The following FGGY variants were observed in gnomAD, a reference collection of about 807,000 sequenced individuals.
FGGY encodes FGGY carbohydrate kinase domain containing.
A neutral mutation model predicts 71.3 loss-of-function variants in FGGY; 72 were observed. The ratio of observed to expected loss-of-function variants is 1.01; its 90% CI spans 0.84 to 1.23. FGGY has a LOEUF of 1.23. FGGY is among the 50% of genes most tolerant of loss of function. FGGY has a pLI of 0.00. For synonymous variants in FGGY, 251 were observed against 250.3 expected (o/e 1.00, Z -0.02); for missense variants, 668 against 682.3 (o/e 0.98, Z 0.23).
At chr1:59,533,541 G>C (rs1308481263) in intron 7 of FGGY, among the ~76,000 whole-genome samples, 3 of 149,000 alleles carry the variant, frequency 2.0e-5, no homozygotes, top group African/African-American at 5.1e-5. Context: ...CTCCACCTCT[G>C]GGGGCAGGGA....
intron 8 of FGGY, among the ~76,000 whole-genome samples, chr1:59,592,999 T>A (rs1457984887): frequency 1.3e-5 from 2 of 152,230 alleles, no homozygotes; most frequent in Non-Finnish European, 2.9e-5. Flanking sequence ...AGGCAAAGCC[T>A]CTTTTCCTCT....
intron 13 of FGGY, among the ~76,000 whole-genome samples, chr1:59,670,358 C>T (rs565485421): frequency 1.8e-4 from 27 of 152,240 alleles, no homozygotes; most frequent in Non-Finnish European, 2.4e-4. Flanking sequence ...TCTAGTTTTC[C>T]TACAAAGACA....
chr1:59,755,059 G>T (rs2098278516), intron 14 of FGGY: 1 of 152,182 alleles, frequency 6.6e-6, no homozygotes, highest in Admixed American at 6.5e-5. Flanking sequence ...ACCCTGGAAG[G>T]AGGCCTGATG....
intron 14 of FGGY, among the ~76,000 whole-genome samples, chr1:59,675,726 C>T (rs986670917): frequency 1.3e-5 from 2 of 152,092 alleles, no homozygotes; most frequent in South Asian, 4.1e-4. Context: ...AATATCTTGC[C>T]CTTCCTGCGG....
intron 12 of FGGY, among the ~76,000 whole-genome samples, chr1:59,665,220 G>T (rs981796419): frequency 1.3e-5 from 2 of 151,894 alleles, no homozygotes; most frequent in Non-Finnish European, 2.9e-5. Flanking sequence ...TTCTCAAGGG[G>T]GTTCATGACC....
chr1:59,369,415 C>A (rs936654152), intron 4 of FGGY, among the ~76,000 whole-genome samples: 3 of 152,210 alleles, frequency 2.0e-5, no homozygotes, highest in Non-Finnish European at 4.4e-5. Context: ...CCTGGAAGCT[C>A]AACTGGGTGG....
chr1:59,742,195 C>T (rs2101378905), intron 14 of FGGY, among the ~76,000 whole-genome samples: 1 of 152,316 alleles, frequency 6.6e-6, no homozygotes, highest in South Asian at 2.1e-4. Context: ...TCTATCCTCA[C>T]TACCATGATT....
chr1:59,592,340 C>G (rs1415524476), intron 8 of FGGY, among the ~76,000 whole-genome samples: 1 of 151,974 alleles, frequency 6.6e-6, no homozygotes. Flanking sequence ...GTTGGTGGGA[C>G]TGTAAACTAG....
At chr1:59,320,877 T>A (rs2046263286) in intron 1 of FGGY, among the ~76,000 whole-genome samples, 1 of 152,256 alleles carries the variant, frequency 6.6e-6, no homozygotes, top group East Asian at 1.9e-4. Context: ...ATAGACTTGC[T>A]TCTTAATCAG....
intron 4 of FGGY, among the ~76,000 whole-genome samples, chr1:59,376,935 T>C (rs2058730141): frequency 6.6e-6 from 1 of 152,216 alleles, no homozygotes; most frequent in Admixed American, 6.5e-5. Flanking sequence ...ACTTCATGCT[T>C]TTCAAGTTTA....
intron 5 of FGGY, among the ~76,000 whole-genome samples, chr1:59,415,267 A>G (rs1017764927): frequency 6.6e-6 from 1 of 152,112 alleles, no homozygotes; most frequent in Admixed American, 6.6e-5. Flanking sequence ...AATGTGAGCA[A>G]TATACCTCAA....
rs189590968 is a variant in FGGY at position 59,743,344 on chromosome 1, C to G, written c.1513-14587C>G. Among the ~76,000 whole-genome samples the G allele has an allele frequency of 1.9e-3, 293 of 152,276 alleles. 2 individuals are homozygous for G. Among genetic ancestry groups the G allele is most frequent in the African/African-American group, 6.7e-3 (278 of 41,542 alleles). ...TCTCCCATGATCACCGATGTTTCTCCAGCAGGCTTTAAACTTCATGAGGTC... is the reference window on the plus strand; with the variant it reads ...TCTCCCATGATCACCGATGTTTCTCGAGCAGGCTTTAAACTTCATGAGGTC... On this transcript the variant is annotated intron_variant, in intron 14 of 15. Transcript: ENST00000303721.
chr1:59,450,290 A>T (rs77968875), intron 5 of FGGY, among the ~76,000 whole-genome samples: 1,749 of 152,216 alleles, frequency 0.011, 34 homozygotes, highest in African/African-American at 0.04. Flanking sequence ...ATACACTTTC[A>T]TATCTTCCTG....
intron 14 of FGGY, among the ~76,000 whole-genome samples, chr1:59,750,243 C>T: frequency 6.6e-6 from 1 of 152,092 alleles, no homozygotes; most frequent in South Asian, 2.1e-4. Context: ...CCTTTATGAC[C>T]AAGAGACCAA....
chr1:59,493,406 A>G (rs1558117086), intron 6 of FGGY, among the ~76,000 whole-genome samples: 1 of 110,868 alleles, frequency 9.0e-6, no homozygotes, highest in South Asian at 2.7e-4. Context: ...CATTAGTGGC[A>G]GAACTGATAA....
At chr1:59,512,521 T>G (rs945347816) in intron 7 of FGGY, 82 bp downstream of exon 7, 1 of 1,434,102 alleles carries the variant, frequency 7.0e-7, no homozygotes, top group Admixed American at 2.2e-5. Context: ...CTTTTCTGTT[T>G]TTAAAGCAAA....
At chr1:59,301,730 T>G (rs1468677482) in intron 1 of FGGY, among the ~76,000 whole-genome samples, 2 of 91,166 alleles carry the variant, frequency 2.2e-5, no homozygotes, top group Non-Finnish European at 4.7e-5. Flanking sequence ...TTTTTTTTTT[T>G]GAGATGGAGT....
At chr1:59,445,373 A>G (rs1021163829) in intron 5 of FGGY, among the ~76,000 whole-genome samples, 1 of 152,062 alleles carries the variant, frequency 6.6e-6, no homozygotes, top group African/African-American at 2.4e-5. Flanking sequence ...TTCTTTTTCT[A>G]GTCTCCTGCA....
chr1:59,303,915 C>T lies in FGGY; in HGVS notation c.-15+6765C>T, dbSNP rs138715932. Among the ~76,000 whole-genome samples the T allele has an allele frequency of 1.2e-3, 176 of 151,874 alleles. 4 individuals are homozygous for T. In the East Asian group the frequency reaches 0.03, roughly 26 times the overall value. ...TGTCATCTTTGGGAAAATGTCTATT[C>T]GAGTTCTTTGCCCATTAAAAAAAAT... On this transcript the variant is annotated intron_variant, in intron 1 of 15. Transcript: ENST00000303721.
Sources: allele counts gnomAD v4.1 joint callset (sites outside exome capture counted in the v4.1 genomes callset), GRCh38; gene constraint gnomAD v4.1.1; transcripts MANE v1.5; gene names NCBI Gene and HGNC (gene_info 2026-07-23, HGNC 2026-07-21).